The following TMEM243 variants were observed in gnomAD, a reference collection of about 807,000 sequenced individuals.
The protein encoded by TMEM243 is MDR1 and mitochondrial taxol resistance associated.
A neutral mutation model predicts 15.0 loss-of-function variants in TMEM243; 20 were observed. That is an observed-to-expected ratio of 1.33 (90% confidence interval 0.94 to 1.93). TMEM243 has a LOEUF of 1.93. TMEM243 is among the 30% of genes most tolerant of loss of function. The pLI is 0.00. For missense variants in TMEM243, 156 were observed against 142.1 expected, an observed-to-expected ratio of 1.10 and a Z score of -0.50; for synonymous variants, 72 against 52.7, an observed-to-expected ratio of 1.37 and a Z score of -1.59.
chr7:87,210,126 C>T (rs950219093), intron 1 of TMEM243, among the ~76,000 whole-genome samples: 1 of 151,944 alleles, frequency 6.6e-6, no homozygotes, highest in Non-Finnish European at 1.5e-5. Context: ...GCATTTAAAC[C>T]ATCTGATGTC....
At position 87,196,642 on chromosome 7, in the gene TMEM243, T is replaced by C. The variant is rs765313793; in HGVS notation, c.351A>G (p.Gly117=). The change falls in exon 4 of 4, where the codon GGA becomes GGG. Residue 117 remains glycine, a synonymous_variant. Coordinates refer to ENST00000257637, the MANE Select transcript of TMEM243 (RefSeq NM_024315.4). The part of the protein sequence containing the change: ...ICANLYFHDV[G]R ...GTACTTCTCCTTGGCAGCCTCACCT[T>C]CCCACATCATGGAAGTACAGGTTTG... 6.2e-7 allele frequency: 1 copy of C among 1,608,626 alleles called. No homozygotes were observed. Among genetic ancestry groups the C allele is most frequent in the South Asian group, 1.1e-5 (1 of 89,820 alleles).
intron 1 of TMEM243, among the ~76,000 whole-genome samples, chr7:87,213,097 G>A (rs1802868052): frequency 6.6e-6 from 1 of 152,170 alleles, no homozygotes; most frequent in Non-Finnish European, 1.5e-5. Flanking sequence ...GAGCAAAGAG[G>A]CAGCTAAAAG....
At position 87,198,040 on chromosome 7, in the gene TMEM243, C is replaced by T. The variant is rs774733691; in HGVS notation, c.135G>A (p.Thr45=). 2.3e-5 allele frequency: 37 copies of T among 1,611,602 alleles called. No individual in the cohort carries two copies. Among genetic ancestry groups the T allele is most frequent in the East Asian group, 4.5e-5 (2 of 44,750 alleles). ...GSLTSLLILV[T]LISAFVFPQL... is the part of the protein sequence containing the mutation. ...GAGGGAAAACAAAAGCACTTATCAG[C>T]GTTACCTGTATGAAGAGAAATTATG... The change falls in exon 3 of 4, where the codon ACG becomes ACA. Residue 45 remains threonine, a synonymous_variant. Coordinates refer to ENST00000257637, the MANE Select transcript of TMEM243 (RefSeq NM_024315.4).
At chr7:87,209,568 G>A (rs1427603604) in intron 1 of TMEM243, among the ~76,000 whole-genome samples, 1 of 150,888 alleles carries the variant, frequency 6.6e-6, no homozygotes, top group Non-Finnish European at 1.5e-5. Flanking sequence ...GACAATGAGA[G>A]AGAGACAGTG....
intron 1 of TMEM243, among the ~76,000 whole-genome samples, chr7:87,207,773 G>T (rs142585617): frequency 6.6e-6 from 1 of 152,060 alleles, no homozygotes; most frequent in African/African-American, 2.4e-5. Context: ...AGACAGCATC[G>T]CAGGGAGTCC....
chr7:87,198,044 A>C lies in TMEM243; in HGVS notation c.131T>G (p.Val44Gly). The change falls in exon 3 of 4, where the codon GTA (valine) becomes GGA (glycine). Residue 44 changes from valine (V) to glycine (G), a missense_variant and splice_region_variant. Val to Gly is a moderately radical substitution (Grantham distance 109). Coordinates refer to ENST00000257637, the MANE Select transcript of TMEM243 (RefSeq NM_024315.4). ...GAAAACAAAAGCACTTATCAGCGTT[A>C]CCTGTATGAAGAGAAATTATGTAAG... ...VGSLTSLLIL[V>G]TLISAFVFPQ... 1 of 1,611,378 alleles carries C rather than the reference A, an allele frequency of 6.2e-7. No individual in the cohort carries two copies. The highest frequency in any genetic ancestry group is 1.1e-5 in the South Asian group (1 of 90,870).
intron 1 of TMEM243, among the ~76,000 whole-genome samples, chr7:87,205,080 T>G (rs1802105716): frequency 6.6e-6 from 1 of 152,252 alleles, no homozygotes; most frequent in Non-Finnish European, 1.5e-5. Flanking sequence ...TGCCCTGAGC[T>G]GTACCTTGGC....
At chr7:87,209,822 G>A (rs117997321) in intron 1 of TMEM243, among the ~76,000 whole-genome samples, 2,890 of 137,472 alleles carry the variant, frequency 0.021, 125 homozygotes, top group African/African-American at 0.041. Flanking sequence ...GTGAGAGAGC[G>A]AGAGACAGTG....
intron 1 of TMEM243, 133 bp downstream of exon 1, chr7:87,219,293 A>C: frequency 1.3e-6 from 1 of 784,886 alleles, no homozygotes; most frequent in Non-Finnish European, 2.2e-6. Flanking sequence ...TTGAGAGGGA[A>C]GTGGGATTGC....
intron 2 of TMEM243, 147 bp from the exon 3 acceptor site, chr7:87,198,192 G>T: frequency 3.4e-6 from 2 of 585,600 alleles, no homozygotes; most frequent in Non-Finnish European, 6.0e-6. Context: ...TGTTAATACA[G>T]TAATTATAAA....
chr7:87,219,702 C>T lies in TMEM243; in HGVS notation c.-199G>A, dbSNP rs1477949284. 4 of 590,434 alleles carry T rather than the reference C, an allele frequency of 6.8e-6. No homozygotes were observed. The highest frequency in any genetic ancestry group is 5.6e-5 in the African/African-American group (3 of 53,436). 36.6% of individuals were successfully genotyped at this position (590,434 alleles called of 1,614,324 possible). A position where few individuals can be genotyped will look rare whatever the true frequency, so the allele number is the denominator to read the frequency against. On this transcript the variant is annotated 5_prime_UTR_variant, in exon 1 of 4. Transcript: ENST00000257637. The stretch of plus-strand genomic sequence containing the variant: ...ACTGCTCCGCCCCGGCCCCGCGCAC[C>T]TCCTCATCTTGAGCAGCTGCCGCAG...
chr7:87,204,577 G>A (rs1004615769), intron 1 of TMEM243, among the ~76,000 whole-genome samples: 1 of 152,196 alleles, frequency 6.6e-6, no homozygotes, highest in African/African-American at 2.4e-5. Context: ...CAGGCCCCAT[G>A]CAAATCCAAA....
intron 1 of TMEM243, among the ~76,000 whole-genome samples, chr7:87,206,347 C>G: frequency 6.6e-6 from 1 of 152,168 alleles, no homozygotes; most frequent in Non-Finnish European, 1.5e-5. Context: ...CTCAGAGCAC[C>G]CACATCACTT....
At chr7:87,218,619 A>G (rs1803275901) in intron 1 of TMEM243, 1 of 151,032 alleles carries the variant, frequency 6.6e-6, no homozygotes, top group Admixed American at 6.6e-5. Flanking sequence ...CTTTTAGGCC[A>G]GTCAAGTGAA....
intron 1 of TMEM243, among the ~76,000 whole-genome samples, chr7:87,209,821 CGA>C (rs1301200406): frequency 3.5e-4 from 21 of 59,206 alleles, no homozygotes; most frequent in Non-Finnish European, 6.9e-4. Flanking sequence ...AGTGAGAGAG[CGA>C]GAGACAGTGA....
chr7:87,204,842 C>T (rs1041047647), intron 1 of TMEM243, among the ~76,000 whole-genome samples: 2 of 152,234 alleles, frequency 1.3e-5, no homozygotes, highest in Admixed American at 6.5e-5. Flanking sequence ...AGGCAATGCC[C>T]CATGGGGACT....
chr7:87,196,512 A>G lies in TMEM243; in HGVS notation c.*124T>C. 2 of 991,690 alleles carry G rather than the reference A, an allele frequency of 2.0e-6. No homozygotes were observed. The highest frequency in any genetic ancestry group is 3.0e-6 in the Non-Finnish European group (2 of 673,086). 61.4% of individuals were successfully genotyped at this position (991,690 alleles called of 1,614,324 possible). A position where few individuals can be genotyped will look rare whatever the true frequency, so the allele number is the denominator to read the frequency against. On this transcript the variant is annotated 3_prime_UTR_variant, in exon 4 of 4. Coordinates refer to ENST00000257637, the MANE Select transcript of TMEM243 (RefSeq NM_024315.4). ...TTGCAAGAGGGAATTAACATTTACAATTAACATGAAAATCATGTATCAGAC... is the reference window on the plus strand; with the variant it reads ...TTGCAAGAGGGAATTAACATTTACAGTTAACATGAAAATCATGTATCAGAC...
intron 3 of TMEM243, among the ~76,000 whole-genome samples, 166 bp from the exon 4 acceptor site, chr7:87,196,924 ACT>A (rs145408798): frequency 0.045 from 6,899 of 151,978 alleles, 185 homozygotes; most frequent in Middle Eastern, 0.071. Flanking sequence ...TTTAATTCTT[ACT>A]CTGAGTTTCC....
intron 1 of TMEM243, among the ~76,000 whole-genome samples, chr7:87,216,008 C>T (rs530897258): frequency 2.8e-4 from 42 of 152,118 alleles, no homozygotes; most frequent in Non-Finnish European, 4.9e-4. Context: ...TGGTGGCTCA[C>T]GCCTGTAATC....
Sources: allele counts gnomAD v4.1 joint callset (sites outside exome capture counted in the v4.1 genomes callset), GRCh38; gene constraint gnomAD v4.1.1; transcripts MANE v1.5; gene names NCBI Gene and HGNC (gene_info 2026-07-23, HGNC 2026-07-21).